KCNQ1: variants seen among roughly 807,000 people sequenced by gnomAD.
KCNQ1 encodes potassium voltage-gated channel subfamily KQT member 1.
In KCNQ1, 49 loss-of-function variants were observed where a neutral mutation model predicts 72.4. The observed-to-expected ratio is 0.68, with a 90% CI of 0.54 to 0.86. The LOEUF is 0.86. KCNQ1 is among the 40% of genes least tolerant of loss of function. The probability of loss-of-function intolerance (pLI) is 0.00; values close to 1 mark genes in which losing one functional copy is unlikely to be tolerated. For synonymous variants in KCNQ1, 450 were observed against 412.6 expected, an observed-to-expected ratio of 1.09 and a Z score of -1.10; for missense variants, 790 against 945.1, an observed-to-expected ratio of 0.84 and a Z score of 2.15.
At chr11:2,776,730 C>T (rs1846709200) in intron 13 of KCNQ1, among the ~76,000 whole-genome samples, 1 of 152,200 alleles carries the variant, frequency 6.6e-6, no homozygotes, top group African/African-American at 2.4e-5. Context: ...GCCTCCCACT[C>T]CTACCCCCAG....
At chr11:2,570,785 C>T in intron 3 of KCNQ1, 31 bp downstream of exon 3, 1 of 1,606,728 alleles carries the variant, frequency 6.2e-7, no homozygotes, top group Non-Finnish European at 8.5e-7. Flanking sequence ...GGAGGTCACG[C>T]CCAGGTTTCC....
chr11:2,488,742 C>G lies in KCNQ1; in HGVS notation c.387-39186C>G, dbSNP rs1159383354. Among the ~76,000 whole-genome samples, 1 of 152,128 alleles carries G rather than the reference C, an allele frequency of 6.6e-6. No homozygotes were observed. The highest frequency in any genetic ancestry group is 1.9e-4 in the East Asian group (1 of 5,202). On this transcript the variant is annotated intron_variant, in intron 1 of 15. Transcript: ENST00000155840. The surrounding 1 kb of genome is among the most constrained non-coding windows in gnomAD (Gnocchi z 5.1). ...TTTCAGTAGTCTTCTCTCTTTTTTA[C>G]TTAGTCCATCTAGCTAAAGGTTTGT... is the stretch of plus-strand genomic sequence containing the variant.
At position 2,592,039 on chromosome 11, in the gene KCNQ1, A is replaced by G. The variant is rs1357104389; in HGVS notation, c.1393+3185A>G. On this transcript the variant is annotated intron_variant, in intron 10 of 15. Transcript: ENST00000155840. This position sits in a 1 kb window ranked among gnomAD's most constrained non-coding sequence, Gnocchi z 5.2. ...CGAACAGCCACACTGAGTCCCCCGC[A>G]AAGTCAAACCCAGGCCTCGACCTTG... Among the ~76,000 whole-genome samples the G allele has an allele frequency of 6.6e-6, 1 of 151,536 alleles. No homozygotes were observed.
At chr11:2,838,794 A>C (rs1590122361) in intron 15 of KCNQ1, among the ~76,000 whole-genome samples, 1 of 152,232 alleles carries the variant, frequency 6.6e-6, no homozygotes. Flanking sequence ...GGCTGCCCGA[A>C]CAAAGTGTTC....
chr11:2,640,167 T>A (rs888359697), intron 10 of KCNQ1: 2 of 377,996 alleles, frequency 5.3e-6, no homozygotes, highest in Admixed American at 4.5e-5. Flanking sequence ...GGTGAGGCGA[T>A]GCCTCGCCCT....
Position 2,461,619 on chromosome 11 carries a change from C to G in KCNQ1, c.386+16135C>G, listed in dbSNP as rs1363855641. 2.9e-6 allele frequency: 4 copies of G among 1,364,148 alleles called. No individual in the cohort carries two copies. In the East Asian group the frequency reaches 1.4e-4, roughly 46 times the overall value. 84.5% of individuals were successfully genotyped at this position (1,364,148 alleles called of 1,614,324 possible). On this transcript the variant is annotated intron_variant, in intron 1 of 15. Coordinates refer to ENST00000155840, the MANE Select transcript of KCNQ1 (RefSeq NM_000218.3). ...GTGGCCCCTGCTCTCACCCACAACT[C>G]CAGGTTTCTGGCTCTCGGGAATTTG...
chr11:2,661,595 A>G lies in KCNQ1; in HGVS notation c.1394-366A>G. The G allele has an allele frequency of 1.7e-6, 1 of 571,576 alleles. No homozygotes were observed. The highest frequency in any genetic ancestry group is 3.1e-6 in the Non-Finnish European group (1 of 321,452). The allele number at this position is 571,576 out of a possible 1,614,324, so 35.4% of individuals were successfully genotyped here. A position where few individuals can be genotyped will look rare whatever the true frequency, so the allele number is the denominator to read the frequency against. On this transcript the variant is annotated intron_variant, in intron 10 of 15. Transcript: ENST00000155840. The surrounding 1 kb of genome is among the most constrained non-coding windows in gnomAD (Gnocchi z 5.9). ...ATGGTGGTGGGAGCTGTTGTCCCTT[A>G]CCAGGCCTGTGCCTGTCACCTCTGT...
chr11:2,845,105 G>A (rs1255452139), intron 15 of KCNQ1, among the ~76,000 whole-genome samples: 1 of 152,206 alleles, frequency 6.6e-6, no homozygotes, highest in East Asian at 1.9e-4. Flanking sequence ...GCATGAGCAG[G>A]TCGTGGGACT....
chr11:2,707,447 A>C (rs941350716), intron 11 of KCNQ1, among the ~76,000 whole-genome samples: 1 of 151,986 alleles, frequency 6.6e-6, no homozygotes, highest in Admixed American at 6.5e-5. Context: ...CCTTTTGGGG[A>C]CTGTGCCCCC....
chr11:2,667,256 G>A (rs1370293031), intron 11 of KCNQ1: 11 of 398,552 alleles, frequency 2.8e-5, no homozygotes, highest in Non-Finnish European at 4.4e-5. Flanking sequence ...ACGTGAGGAA[G>A]AAGCGGCTGG....
intron 1 of KCNQ1, among the ~76,000 whole-genome samples, chr11:2,454,322 T>A (rs1172328304): frequency 6.6e-6 from 1 of 152,164 alleles, no homozygotes; most frequent in African/African-American, 2.4e-5. Context: ...GCGTAATTTT[T>A]AAAAAGCTGT....
At chr11:2,585,528 G>A (rs1848581291) in intron 8 of KCNQ1, among the ~76,000 whole-genome samples, 1 of 152,254 alleles carries the variant, frequency 6.6e-6, no homozygotes, top group Non-Finnish European at 1.5e-5. Flanking sequence ...CAAGGGCCAT[G>A]CCCTGTGGGC....
At chr11:2,825,790 G>A (rs956652780) in intron 15 of KCNQ1, among the ~76,000 whole-genome samples, 3 of 152,270 alleles carry the variant, frequency 2.0e-5, no homozygotes, top group Middle Eastern at 3.4e-3. Flanking sequence ...GCTCAGTAAC[G>A]GACTGGACCA....
At chr11:2,585,557 G>T (rs897341720) in intron 8 of KCNQ1, among the ~76,000 whole-genome samples, 8 of 152,250 alleles carry the variant, frequency 5.3e-5, no homozygotes, top group Admixed American at 2.0e-4. Context: ...AGGCACGGCC[G>T]TGGCCATGCC....
rs1442654045 is a variant in KCNQ1, at chr11:2,762,432, A to G, written c.1515-6412A>G. 6.6e-6 allele frequency among the ~76,000 whole-genome samples: 1 copy of G among 152,152 alleles called. No individual in the cohort carries two copies. The highest frequency in any genetic ancestry group is 1.5e-5 in the Non-Finnish European group (1 of 68,022). On this transcript the variant is annotated intron_variant, in intron 11 of 15. Transcript: ENST00000155840. The surrounding 1 kb of genome is among the most constrained non-coding windows in gnomAD (Gnocchi z 4.3). ...GACATACTTTCACAGGTGCATCCAC[A>G]TTGTTCCAGCACCCTTTATTGAAAA...
rs1037582850 is a variant in KCNQ1 at position 2,734,020 on chromosome 11, C to G, written c.1515-34824C>G. 2.0e-5 allele frequency among the ~76,000 whole-genome samples: 3 copies of G among 152,050 alleles called. No homozygotes were observed. Among genetic ancestry groups the G allele is most frequent in the African/African-American group, 7.2e-5 (3 of 41,408 alleles). On this transcript the variant is annotated intron_variant, in intron 11 of 15. Transcript: ENST00000155840. This position sits in a 1 kb window ranked among gnomAD's most constrained non-coding sequence, Gnocchi z 7.0. ...ATCCTCCTCAGAGCAGTTGCGCGCT[C>G]TAAATCAGGACCACCTTGCGGTTCT...
chr11:2,657,225 T>C lies in KCNQ1; in HGVS notation c.1394-4736T>C. ...GGCTTTTTGCACTTCCAAGTCGCAG[T>C]TAGAATCAGCTTGCCAAAGTTCTCA... is the stretch of plus-strand genomic sequence containing the variant. On this transcript the variant is annotated intron_variant, in intron 10 of 15. Coordinates refer to ENST00000155840, the MANE Select transcript of KCNQ1 (RefSeq NM_000218.3). The surrounding 1 kb of genome is among the most constrained non-coding windows in gnomAD (Gnocchi z 4.8). 1 of 398,654 alleles carries C rather than the reference T, an allele frequency of 2.5e-6. No homozygotes were observed. The highest frequency in any genetic ancestry group is 4.4e-6 in the Non-Finnish European group (1 of 226,062). 24.7% of individuals were successfully genotyped at this position (398,654 alleles called of 1,614,324 possible). A position where few individuals can be genotyped will look rare whatever the true frequency, so the allele number is the denominator to read the frequency against.
At chr11:2,810,494 A>G (rs1204698616) in intron 15 of KCNQ1, among the ~76,000 whole-genome samples, 1 of 152,164 alleles carries the variant, frequency 6.6e-6, no homozygotes, top group Non-Finnish European at 1.5e-5. Flanking sequence ...TCAGAGTTCT[A>G]GGAAATGTTT....
chr11:2,816,794 C>T lies in KCNQ1; in HGVS notation c.1795-30973C>T, dbSNP rs114871642. 6.6e-6 allele frequency among the ~76,000 whole-genome samples: 1 copy of T among 152,006 alleles called. No homozygotes were observed. Among genetic ancestry groups the T allele is most frequent in the African/African-American group, 2.4e-5 (1 of 41,372 alleles). On this transcript the variant is annotated intron_variant, in intron 15 of 15. Transcript: ENST00000155840. This position sits in a 1 kb window ranked among gnomAD's most constrained non-coding sequence, Gnocchi z 6.8. The stretch of plus-strand genomic sequence containing the variant: ...TTTCCAAAGTCCCCTGCTCAGGAGG[C>T]CTTCCCTGAGCCCCTGCCCCCTCCA...
Sources: gnomAD v4.1 joint callset for allele counts (sites outside exome capture counted in the v4.1 genomes callset) on GRCh38, gnomAD v4.1.1 for gene constraint, Gnocchi (gnomAD v3.1) non-coding constraint, MANE v1.5 for transcripts, NCBI Gene and HGNC (gene_info 2026-07-23, HGNC 2026-07-21) for gene names.